SPIRE1: variants seen among roughly 807,000 people sequenced by gnomAD.
SPIRE1 encodes protein spire homolog 1.
SPIRE1 carries 40 observed loss-of-function variants against 94.1 expected under a neutral mutation model. That is an observed-to-expected ratio of 0.43 (90% CI 0.33 to 0.55). The LOEUF is 0.55. Among genes scored for constraint, SPIRE1 ranks in the 20% least tolerant of loss-of-function variants. SPIRE1 has a pLI of 0.06. For missense variants in SPIRE1, 838 were observed against 975.2 expected (o/e 0.86, Z 1.87); for synonymous variants, 376 against 371.7 (o/e 1.01, Z -0.13).
Position 12,512,536 on chromosome 18 carries a change from A to C in SPIRE1, c.730-5T>G. On this transcript the variant is annotated splice_region_variant and splice_polypyrimidine_tract_variant and intron_variant, in intron 4 of 16. Transcript: ENST00000409402. ...TTCTTGAATCTTCTTAAGATTCTAC[A>C]GGTTAAAATAATACAGGCATAAACA... 6.3e-7 allele frequency: 1 copy of C among 1,581,530 alleles called. No individual in the cohort carries two copies. Among genetic ancestry groups the C allele is most frequent in the South Asian group, 1.1e-5 (1 of 88,798 alleles).
chr18:12,624,830 T>TAAAA (rs2037575346), intron 2 of SPIRE1, among the ~76,000 whole-genome samples: 1 of 54,774 alleles, frequency 1.8e-5, no homozygotes, highest in Admixed American at 1.6e-4. Flanking sequence ...AGACTCCATC[T>TAAAA]CAAAAAAAAA....
Position 12,452,397 on chromosome 18 carries a change from A to G in SPIRE1, c.1876-6T>C, listed in dbSNP as rs533034976. On this transcript the variant is annotated splice_polypyrimidine_tract_variant and splice_region_variant and intron_variant, in intron 15 of 16. Coordinates refer to ENST00000409402, the MANE Select transcript of SPIRE1 (RefSeq NM_001128626.2). ...GGTTTGGAGGGCAGCCGCATCTATTATCCCAAATAAAACTGGCAATGAGCA... is the reference window on the plus strand; with the variant it reads ...GGTTTGGAGGGCAGCCGCATCTATTGTCCCAAATAAAACTGGCAATGAGCA... The G allele has an allele frequency of 6.2e-7, 1 of 1,614,222 alleles. No homozygotes were observed. Among genetic ancestry groups the G allele is most frequent in the Admixed American group, 1.7e-5 (1 of 60,024 alleles).
intron 5 of SPIRE1, among the ~76,000 whole-genome samples, chr18:12,507,137 G>A (rs1182874124): frequency 1.3e-5 from 2 of 152,210 alleles, no homozygotes; most frequent in Non-Finnish European, 2.9e-5. Flanking sequence ...ATAAAGATGA[G>A]ATACCTGTAA....
intron 4 of SPIRE1, among the ~76,000 whole-genome samples, chr18:12,517,403 G>T (rs1450573031): frequency 6.6e-6 from 1 of 152,186 alleles, no homozygotes; most frequent in African/African-American, 2.4e-5. Context: ...AAACAAGCTT[G>T]ATCAAATATG....
chr18:12,509,148 C>A (rs72877247), intron 5 of SPIRE1, among the ~76,000 whole-genome samples: 1 of 152,178 alleles, frequency 6.6e-6, no homozygotes, highest in East Asian at 1.9e-4. Flanking sequence ...AATTCTGAAA[C>A]TAGAATCTGC....
At chr18:12,617,706 G>A (rs960905030) in intron 2 of SPIRE1, among the ~76,000 whole-genome samples, 4 of 151,890 alleles carry the variant, frequency 2.6e-5, no homozygotes, top group African/African-American at 9.7e-5. Flanking sequence ...CACCATACCC[G>A]GCCTCCCGGC....
At chr18:12,476,657 T>A (rs901034017) in intron 10 of SPIRE1, among the ~76,000 whole-genome samples, 4 of 144,926 alleles carry the variant, frequency 2.8e-5, no homozygotes, top group African/African-American at 5.0e-5. Flanking sequence ...GAATTTCAAA[T>A]ATATATAAAA....
intron 2 of SPIRE1, among the ~76,000 whole-genome samples, chr18:12,587,277 C>T (rs2036413466): frequency 6.6e-6 from 1 of 152,088 alleles, no homozygotes; most frequent in African/African-American, 2.4e-5. Flanking sequence ...GGATTGGGCA[C>T]AAGCTGACTT....
At chr18:12,454,286 C>T in intron 13 of SPIRE1, 60 bp downstream of exon 13, 2 of 1,590,466 alleles carry the variant, frequency 1.3e-6, no homozygotes, top group Non-Finnish European at 1.7e-6. Flanking sequence ...TCCCAGGAGA[C>T]TATGCATGGG....
intron 4 of SPIRE1, among the ~76,000 whole-genome samples, chr18:12,528,527 T>C (rs1004299675): frequency 6.6e-6 from 1 of 152,086 alleles, no homozygotes; most frequent in African/African-American, 2.4e-5. Flanking sequence ...CATTCAGGAA[T>C]GAAGGAAGTG....
In SPIRE1 at chr18:12,463,461, G is replaced by A. The variant is rs1261880990; in HGVS notation, c.1528C>T (p.Pro510Ser). The part of the protein sequence containing the change: ...PPKFLPISST[P>S]QPERRQPPQR... ...GGTGGCTGCCGTCTCTCTGGCTGGG[G>A]TGTTGATGATATGGGCAGGAATTTT... The change falls in exon 12 of 17, where the codon CCC becomes TCC. Residue 510 changes from proline to serine, a missense_variant. Pro to Ser is a moderately conservative substitution (Grantham distance 74). Around this residue, in one of 2 missense-constraint regions of SPIRE1, gnomAD observed 645 missense variants for 804.7 expected, o/e 0.80. Coordinates refer to ENST00000409402, the MANE Select transcript of SPIRE1 (RefSeq NM_001128626.2). 1 of 1,613,760 alleles carries A rather than the reference G, an allele frequency of 6.2e-7. No homozygotes were observed. The highest frequency in any genetic ancestry group is 8.5e-7 in the Non-Finnish European group (1 of 1,179,820).
At chr18:12,496,951 C>T (rs1056319484) in intron 6 of SPIRE1, among the ~76,000 whole-genome samples, 15 of 152,182 alleles carry the variant, frequency 9.9e-5, no homozygotes, top group African/African-American at 3.4e-4. Flanking sequence ...GCCTGTAATT[C>T]CAGCTACTTG....
intron 3 of SPIRE1, among the ~76,000 whole-genome samples, chr18:12,540,027 G>T (rs1252670523): frequency 1.3e-5 from 2 of 151,966 alleles, no homozygotes; most frequent in Non-Finnish European, 2.9e-5. Context: ...TGGAAAGAGT[G>T]GTCAGTAGGT....
At chr18:12,497,214 T>C (rs1248358829) in intron 6 of SPIRE1, among the ~76,000 whole-genome samples, 2 of 152,266 alleles carry the variant, frequency 1.3e-5, no homozygotes, top group African/African-American at 2.4e-5. Context: ...ACAAAACTTT[T>C]AAGTAGAAGA....
intron 12 of SPIRE1, among the ~76,000 whole-genome samples, chr18:12,458,571 G>A (rs1274410739): frequency 1.3e-5 from 2 of 152,036 alleles, no homozygotes; most frequent in Non-Finnish European, 2.9e-5. Context: ...CCGATATCGC[G>A]TCACTGCACT....
rs1567933746 is a variant in SPIRE1 at position 12,559,172 on chromosome 18, A to ATGGGG, written c.373-12269_373-12268insCCCCA. ...GGAGGCTCCATCTGCTTAGGAGCCC[A>ATGGGG]CGGGGTGGGGTGGGGTGGGGGGGCG... is the stretch of plus-strand genomic sequence containing the variant. On this transcript the variant is annotated intron_variant, in intron 2 of 16. Coordinates refer to ENST00000409402, the MANE Select transcript of SPIRE1 (RefSeq NM_001128626.2). The surrounding 1 kb of genome is among the most constrained non-coding windows in gnomAD (Gnocchi z 4.7). Among the ~76,000 whole-genome samples, 3 of 33,080 alleles carry ATGGGG rather than the reference A, an allele frequency of 9.1e-5. No individual in the cohort carries two copies. The highest frequency in any genetic ancestry group is 2.1e-4 in the Non-Finnish European group (2 of 9,670). 21.7% of individuals were successfully genotyped at this position (33,080 alleles called of 152,430 possible). A position where few individuals can be genotyped will look rare whatever the true frequency, so the allele number is the denominator to read the frequency against.
intron 2 of SPIRE1, among the ~76,000 whole-genome samples, chr18:12,590,566 A>C (rs1392282431): frequency 6.6e-6 from 1 of 152,182 alleles, no homozygotes; most frequent in Non-Finnish European, 1.5e-5. Context: ...ACAATAGACT[A>C]TTTAAATTGA....
At chr18:12,607,626 C>T (rs1401402203) in intron 2 of SPIRE1, among the ~76,000 whole-genome samples, 4 of 151,842 alleles carry the variant, frequency 2.6e-5, no homozygotes, top group Non-Finnish European at 5.9e-5. Flanking sequence ...CACACACACA[C>T]ACACACACAC....
chr18:12,460,902 G>A (rs2031765104), intron 12 of SPIRE1, among the ~76,000 whole-genome samples: 1 of 152,270 alleles, frequency 6.6e-6, no homozygotes. Flanking sequence ...CCCAAGATAA[G>A]CTATTAGCAA....
Sources: allele counts gnomAD v4.1 joint callset (sites outside exome capture counted in the v4.1 genomes callset), GRCh38; gene constraint gnomAD v4.1.1; regional missense constraint gnomAD v4.1.1; non-coding constraint Gnocchi (gnomAD v3.1); transcripts MANE v1.5; gene names NCBI Gene and HGNC (gene_info 2026-07-23, HGNC 2026-07-21).